Variants in SOX10 observed in about 807,000 individuals in gnomAD.
The protein encoded by SOX10 is SRY-box transcription factor 10.
A neutral mutation model predicts 35.0 loss-of-function variants in SOX10; 3 were observed. That is an observed-to-expected ratio of 0.09 (90% confidence interval 0.04 to 0.22). SOX10 has a LOEUF of 0.22. Ranked by LOEUF, SOX10 falls within the 10% of genes least tolerant of loss-of-function variation. The probability of loss-of-function intolerance (pLI) is 1.00; values close to 1 mark genes in which losing one functional copy is unlikely to be tolerated. For synonymous variants in SOX10, 285 were observed against 291.0 expected (o/e 0.98, Z 0.21); for missense variants, 436 against 655.1 (o/e 0.67, Z 3.65).
chr22:37,981,294 A>G (rs1356258430), intron 2 of SOX10, among the ~76,000 whole-genome samples: 2 of 152,144 alleles, frequency 1.3e-5, no homozygotes, highest in African/African-American at 4.8e-5. Flanking sequence ...CCCAAATCCA[A>G]ATGTCTCTCA....
intron 2 of SOX10, among the ~76,000 whole-genome samples, chr22:37,982,961 C>T (rs1379823280): frequency 6.6e-6 from 1 of 152,206 alleles, no homozygotes; most frequent in African/African-American, 2.4e-5. Flanking sequence ...TCCAGCCAAC[C>T]CTTTGGTTCT....
In SOX10 at chr22:37,983,332, G is replaced by GC. The variant is rs770871672; in HGVS notation, c.428+24dup. ...ATCCACCCGAAGCTAGAGGGCCCGA[G>GC]CCCGGGGGGCGGTCGGGTGCTCACC... On this transcript the variant is annotated intron_variant, in intron 2 of 3. Coordinates refer to ENST00000396884, the MANE Select transcript of SOX10 (RefSeq NM_006941.4). The surrounding 1 kb of genome is among the most constrained non-coding windows in gnomAD (Gnocchi z 9.5). The GC allele has an allele frequency of 1.0e-5, 16 of 1,593,304 alleles. No homozygotes were observed. The highest frequency in any genetic ancestry group is 3.5e-5 in the Admixed American group (2 of 57,230).
At position 37,978,132 on chromosome 22, in the gene SOX10, C is replaced by A. The variant is rs2145768671; in HGVS notation, c.432G>T (p.Leu144=). The part of the protein sequence containing the change: ...LSKTLGKLWR[L]LNESDKRPFI... ...AGGGGCGCTTGTCACTTTCGTTCAG[C>A]AGCCTGGGGTGTGGTGGGAGGCGGA... Residue 144 remains leucine (L), a synonymous_variant, in exon 3 of 4, where the codon CTG becomes CTT. Coordinates refer to ENST00000396884, the MANE Select transcript of SOX10 (RefSeq NM_006941.4). The surrounding 1 kb of genome is among the most constrained non-coding windows in gnomAD (Gnocchi z 5.0). The A allele has an allele frequency of 6.4e-7, 1 of 1,562,430 alleles. No homozygotes were observed. Among genetic ancestry groups the A allele is most frequent in the Non-Finnish European group, 8.7e-7 (1 of 1,154,284 alleles).
At position 37,980,227 on chromosome 22, in the gene SOX10, G is replaced by A. The variant is rs1932355235; in HGVS notation, c.429-2092C>T. ...GGCTGGGACCAGGGGAGGGGGTGGA[G>A]CAGGCCTTGAGGGTGTGACTGGGGA... On this transcript the variant is annotated intron_variant, in intron 2 of 3. Coordinates refer to ENST00000396884, the MANE Select transcript of SOX10 (RefSeq NM_006941.4). The surrounding 1 kb of genome is among the most constrained non-coding windows in gnomAD (Gnocchi z 4.1). Among the ~76,000 whole-genome samples the A allele has an allele frequency of 1.3e-5, 2 of 152,148 alleles. No individual in the cohort carries two copies. Among genetic ancestry groups the A allele is most frequent in the African/African-American group, 2.4e-5 (1 of 41,422 alleles).
At chr22:37,977,383 C>T (rs148958621) in intron 3 of SOX10, among the ~76,000 whole-genome samples, 2,264 of 151,232 alleles carry the variant, frequency 0.015, 65 homozygotes, top group African/African-American at 0.052. Context: ...TGCAGTGGCG[C>T]GATCCCGGCT....
At position 37,980,941 on chromosome 22, in the gene SOX10, T is replaced by C. The variant is rs76086449; in HGVS notation, c.428+2416A>G. 4.2e-3 allele frequency among the ~76,000 whole-genome samples: 639 copies of C among 152,336 alleles called. 3 individuals are homozygous for C. The highest frequency in any genetic ancestry group is 0.01 in the Middle Eastern group (3 of 294). ...CCACCACACAGGAGGGACTCTTGCC[T>C]GTGTCCGCCTTTCCAGTTTCTTGGC... On this transcript the variant is annotated intron_variant, in intron 2 of 3. Transcript: ENST00000396884. The surrounding 1 kb of genome is among the most constrained non-coding windows in gnomAD (Gnocchi z 4.1).
chr22:37,975,144 T>C (rs1035330685), intron 3 of SOX10, among the ~76,000 whole-genome samples: 1 of 152,206 alleles, frequency 6.6e-6, no homozygotes, highest in Non-Finnish European at 1.5e-5. Context: ...CATATTAATT[T>C]AGCAAACTCT....
At chr22:37,975,926 A>G (rs11912587) in intron 3 of SOX10, among the ~76,000 whole-genome samples, 2 of 151,938 alleles carry the variant, frequency 1.3e-5, no homozygotes, top group South Asian at 2.1e-4. Context: ...TTCTCTCTCT[A>G]TATATATACT....
At position 37,972,605 on chromosome 22, in the gene SOX10, A is replaced by G. The variant is rs1051662861; in HGVS notation, c.*890T>C. The G allele has an allele frequency of 4.7e-5, 10 of 214,432 alleles. No individual in the cohort carries two copies. The South Asian group carries it at 6.1e-4, about 13-fold the overall frequency. 13.3% of individuals were successfully genotyped at this position (214,432 alleles called of 1,614,324 possible). On this transcript the variant is annotated 3_prime_UTR_variant, in exon 4 of 4. Coordinates refer to ENST00000396884, the MANE Select transcript of SOX10 (RefSeq NM_006941.4). ...CTGGGCCCTGTGTCTCCTGGAGCCA[A>G]GGGTTAGGGCCTGAGCAGCTGTCAC...
Position 37,977,900 on chromosome 22 carries a change from G to T in SOX10, c.664C>A (p.Pro222Thr). Residue 222 changes from proline to threonine, a missense_variant, in exon 3 of 4, where the codon CCC (proline) becomes ACC (threonine). This residue lies in a region of SOX10 where 285 missense variants were observed against 402.9 expected (regional missense o/e 0.71). Transcript: ENST00000396884. ...TGCTCGGGGTTCCCATCTGACATGG[G>T]GGAGCCCTCTCCTGGGTGCCGGTGG... is the stretch of plus-strand genomic sequence containing the variant. The part of the protein sequence containing the change: ...LDHRHPGEGS[P>T]MSDGNPEHPS... 6.2e-7 allele frequency: 1 copy of T among 1,612,790 alleles called. No individual in the cohort carries two copies.
chr22:37,983,663 C>A lies in SOX10; in HGVS notation c.122G>T (p.Gly41Val), dbSNP rs199750760. ...LGPDGGGGGSGLRASPGPGEL... is the reference protein window; with the variant it reads ...LGPDGGGGGSVLRASPGPGEL... ...GCCTGGCCCCGGGCTGGCTCGCAGG[C>A]CCGATCCGCCGCCGCCGCCGTCGGG... The change falls in exon 2 of 4, where the codon GGC becomes GTC. Residue 41 changes from glycine (G) to valine (V), a missense_variant. Coordinates refer to ENST00000396884, the MANE Select transcript of SOX10 (RefSeq NM_006941.4). This position sits in a 1 kb window ranked among gnomAD's most constrained non-coding sequence, Gnocchi z 9.5. 2.5e-4 allele frequency: 393 copies of A among 1,584,728 alleles called. 1 individual carries two copies. In the East Asian group the frequency reaches 6.8e-3, roughly 28 times the overall value.
At chr22:37,975,891 T>A (rs1364949621) in intron 3 of SOX10, among the ~76,000 whole-genome samples, 2 of 152,014 alleles carry the variant, frequency 1.3e-5, no homozygotes, top group African/African-American at 4.8e-5. Context: ...CCTCTGGATC[T>A]CACACAGACT....
Position 37,974,215 on chromosome 22 carries a change from C to CAG in SOX10, c.698-19_698-18dup, listed in dbSNP as rs749386806. The CAG allele has an allele frequency of 2.6e-4, 406 of 1,582,244 alleles. 3 individuals are homozygous for CAG. In the South Asian group the frequency reaches 3.5e-3, roughly 14 times the overall value. On this transcript the variant is annotated splice_polypyrimidine_tract_variant and intron_variant, in intron 3 of 3. Coordinates refer to ENST00000396884, the MANE Select transcript of SOX10 (RefSeq NM_006941.4). This position sits in a 1 kb window ranked among gnomAD's most constrained non-coding sequence, Gnocchi z 5.4. ...GGCTCTGGCCTGGGTAGAAGGGAGACAGAGAGAGAGAGCGCAAGGGGGAAG... is the reference window on the plus strand; with the variant it reads ...GGCTCTGGCCTGGGTAGAAGGGAGACAGAGAGAGAGAGAGCGCAAGGGGGAAG...
chr22:37,983,676 C>T lies in SOX10; in HGVS notation c.109G>A (p.Gly37Ser), dbSNP rs759762110. The change falls in exon 2 of 4, where the codon GGC becomes AGC. Residue 37 changes from glycine (G) to serine (S), a missense_variant. This residue lies in a region of SOX10 where 97 missense variants were observed against 95.5 expected (regional missense o/e 1.02). Coordinates refer to ENST00000396884, the MANE Select transcript of SOX10 (RefSeq NM_006941.4). The surrounding 1 kb of genome is among the most constrained non-coding windows in gnomAD (Gnocchi z 9.5). ...SAPSLGPDGG[G>S]GGSGLRASPG... The stretch of plus-strand genomic sequence containing the variant: ...CTGGCTCGCAGGCCCGATCCGCCGC[C>T]GCCGCCGTCGGGCCCTAGCGAGGGC... The T allele has an allele frequency of 6.4e-7, 1 of 1,566,550 alleles. No individual in the cohort carries two copies. The highest frequency in any genetic ancestry group is 1.1e-5 in the South Asian group (1 of 87,102).
At chr22:37,977,103 G>T (rs1465377736) in intron 3 of SOX10, among the ~76,000 whole-genome samples, 2 of 150,494 alleles carry the variant, frequency 1.3e-5, no homozygotes, top group Admixed American at 6.6e-5. Flanking sequence ...GGGAGGAAAA[G>T]GTTGCAGTGC....
intron 3 of SOX10, among the ~76,000 whole-genome samples, chr22:37,975,568 A>T (rs560724405): frequency 1.3e-5 from 2 of 152,278 alleles, no homozygotes; most frequent in Middle Eastern, 3.4e-3. Flanking sequence ...GAGACAGAAC[A>T]TGTCCATGGT....
In SOX10 at chr22:37,983,592, C is replaced by G. The variant is rs1413568253; in HGVS notation, c.193G>C (p.Asp65His). Residue 65 changes from aspartate to histidine, a missense_variant, in exon 2 of 4, where the codon GAT becomes CAT. By Grantham distance (81) the Asp-to-His change is moderately conservative (BLOSUM62 -1). This residue lies in a region of SOX10 where 97 missense variants were observed against 95.5 expected (regional missense o/e 1.02). Transcript: ENST00000396884. The surrounding 1 kb of genome is among the most constrained non-coding windows in gnomAD (Gnocchi z 9.5). ...KKEQQDGEAD[D>H]DKFPVCIREA... ...CGGATGCACACGGGGAACTTGTCAT[C>G]GTCCGCCTCGCCGTCCTGCTGCTCC... 4.4e-6 allele frequency: 7 copies of G among 1,608,942 alleles called. No homozygotes were observed. The highest frequency in any genetic ancestry group is 1.1e-5 in the South Asian group (1 of 90,660).
rs773109683 is a variant in SOX10, at chr22:37,974,128, C to T, written c.768G>A (p.Pro256=). The change falls in exon 4 of 4, where the codon CCG becomes CCA. Residue 256 remains proline, a synonymous_variant. Transcript: ENST00000396884. This position sits in a 1 kb window ranked among gnomAD's most constrained non-coding sequence, Gnocchi z 5.4. ...CCCCCATGGAGCGCCCGTCCCGCTTCGGGTCTGCCTTGCCCGACTGCAGCT... is the reference window on the plus strand; with the variant it reads ...CCCCCATGGAGCGCCCGTCCCGCTTTGGGTCTGCCTTGCCCGACTGCAGCT... ...KTELQSGKAD[P]KRDGRSMGEG... is the part of the protein sequence containing the mutation. The T allele has an allele frequency of 2.1e-5, 34 of 1,584,522 alleles. No homozygotes were observed. Among genetic ancestry groups the T allele is most frequent in the South Asian group, 1.4e-4 (13 of 90,622 alleles).
At position 37,984,299 on chromosome 22, in the gene SOX10, A is replaced by C. The variant is rs1057073237; in HGVS notation, c.-85+40T>G. ...TCTCTCCACCTCACAGCAGGGTCCC[A>C]GGCCTGGGCGGGCCAGGGAGGAGCA... On this transcript the variant is annotated intron_variant, in intron 1 of 3. Coordinates refer to ENST00000396884, the MANE Select transcript of SOX10 (RefSeq NM_006941.4). This position sits in a 1 kb window ranked among gnomAD's most constrained non-coding sequence, Gnocchi z 4.4. The C allele has an allele frequency of 9.7e-4, 149 of 153,670 alleles. 4 individuals carry two copies. The highest frequency in any genetic ancestry group is 8.9e-3 in the Admixed American group (137 of 15,310). 9.5% of individuals were successfully genotyped at this position (153,670 alleles called of 1,614,324 possible). A position where few individuals can be genotyped will look rare whatever the true frequency, so the allele number is the denominator to read the frequency against.
Sources: allele counts gnomAD v4.1 joint callset (sites outside exome capture counted in the v4.1 genomes callset), GRCh38; gene constraint gnomAD v4.1.1; regional missense constraint gnomAD v4.1.1; non-coding constraint Gnocchi (gnomAD v3.1); transcripts MANE v1.5; gene names NCBI Gene and HGNC (gene_info 2026-07-23, HGNC 2026-07-21).